The following PDE12 variants were observed in gnomAD, a reference collection of about 807,000 sequenced individuals.
PDE12 encodes the protein 2',5'-phosphodiesterase 12.
A neutral mutation model predicts 45.4 loss-of-function variants in PDE12; 26 were observed. That is an observed-to-expected ratio of 0.57 (90% CI 0.42 to 0.79). PDE12 has a LOEUF of 0.79. Ranked by LOEUF, PDE12 falls within the 30% of genes least tolerant of loss-of-function variation. The pLI is 0.00. For missense variants in PDE12, 668 were observed against 790.0 expected (o/e 0.85, Z 1.85); for synonymous variants, 283 against 323.9 (o/e 0.87, Z 1.36).
the PDE12 span, among the ~76,000 whole-genome samples, chr3:57,643,707 A>C: frequency 6.6e-6 from 1 of 151,694 alleles, no homozygotes; most frequent in African/African-American, 2.4e-5. Flanking sequence ...CATGCCTGTA[A>C]TCCCAGCTAC....
At chr3:57,569,354 T>A (rs1321464426), downstream of PDE12, among the ~76,000 whole-genome samples, 1 of 149,090 alleles carries the variant, frequency 6.7e-6, no homozygotes, top group African/African-American at 2.4e-5. Context: ...GCTAATACTT[T>A]ATTATTATTA....
At chr3:57,576,032 A>G in the PDE12 span, among the ~76,000 whole-genome samples, 1 of 152,220 alleles carries the variant, frequency 6.6e-6, no homozygotes, top group South Asian at 2.1e-4. Context: ...GGTACTTAGT[A>G]GCAGAAGTAC....
the PDE12 span, among the ~76,000 whole-genome samples, chr3:57,641,306 T>G: frequency 4.2e-5 from 6 of 144,090 alleles, no homozygotes; most frequent in Non-Finnish European, 7.6e-5. Flanking sequence ...TATTTAAATA[T>G]ATATTTATAT....
At chr3:57,580,899 C>CA in the PDE12 span, among the ~76,000 whole-genome samples, 2 of 152,058 alleles carry the variant, frequency 1.3e-5, no homozygotes, top group Admixed American at 6.6e-5. Flanking sequence ...AGGCATAAGC[C>CA]ACTGCACCCA....
chr3:57,605,330 A>G, the PDE12 span, among the ~76,000 whole-genome samples: 1 of 152,304 alleles, frequency 6.6e-6, no homozygotes, highest in South Asian at 2.1e-4. Context: ...TTATTAGCAC[A>G]TGAATCTGAG....
In PDE12 at chr3:57,560,879, G is replaced by A; in HGVS notation, c.*875G>A. On this transcript the variant is annotated 3_prime_UTR_variant, in exon 3 of 3. Coordinates refer to ENST00000311180, the MANE Select transcript of PDE12 (RefSeq NM_177966.7). Reference sequence around the variant, plus strand: ...CTACCTCTACCTCAATTTAGTTAGCGATTTACTACAATTTCAGAGCTTTAA... The same window carrying A: ...CTACCTCTACCTCAATTTAGTTAGCAATTTACTACAATTTCAGAGCTTTAA... 1 of 985,220 alleles carries A rather than the reference G, an allele frequency of 1.0e-6. No homozygotes were observed. 61.0% of individuals were successfully genotyped at this position (985,220 alleles called of 1,614,324 possible). A position where few individuals can be genotyped will look rare whatever the true frequency, so the allele number is the denominator to read the frequency against.
chr3:57,629,904 G>C, the PDE12 span, among the ~76,000 whole-genome samples: 2 of 152,112 alleles, frequency 1.3e-5, no homozygotes, highest in Non-Finnish European at 1.5e-5. Flanking sequence ...AGGCTTCTTG[G>C]ATTAGAATCC....
At chr3:57,652,335 T>G in the PDE12 span, among the ~76,000 whole-genome samples, 6 of 152,124 alleles carry the variant, frequency 3.9e-5, no homozygotes, top group South Asian at 2.1e-4. Flanking sequence ...GGCTGAGACC[T>G]CCTAACAACA....
chr3:57,619,873 TA>T, the PDE12 span, among the ~76,000 whole-genome samples: 5 of 148,982 alleles, frequency 3.4e-5, no homozygotes, highest in African/African-American at 1.2e-4. Flanking sequence ...ATAAATCAAA[TA>T]AAAAATAAAA....
At chr3:57,634,656 C>T in the PDE12 span, 1 of 1,491,426 alleles carries the variant, frequency 6.7e-7, no homozygotes, top group East Asian at 2.5e-5. Flanking sequence ...AACAAAAAAA[C>T]CCAAGTACCA....
At chr3:57,606,302 A>T in the PDE12 span, among the ~76,000 whole-genome samples, 1 of 152,192 alleles carries the variant, frequency 6.6e-6, no homozygotes, top group Non-Finnish European at 1.5e-5. Context: ...TTCTCACTGG[A>T]AACATTGCAG....
chr3:57,613,652 G>A, the PDE12 span, among the ~76,000 whole-genome samples: 78 of 151,606 alleles, frequency 5.1e-4, no homozygotes, highest in African/African-American at 1.8e-3. Flanking sequence ...TGTAATCCCA[G>A]CACTTTTGGA....
the PDE12 span, among the ~76,000 whole-genome samples, chr3:57,599,328 A>G: frequency 6.6e-6 from 1 of 152,234 alleles, no homozygotes; most frequent in African/African-American, 2.4e-5. Context: ...AATGGGAGGC[A>G]GGTTGGCCCT....
chr3:57,654,154 A>G, the PDE12 span, among the ~76,000 whole-genome samples: 1 of 149,546 alleles, frequency 6.7e-6, no homozygotes, highest in Non-Finnish European at 1.5e-5. Context: ...ACGGGGTTTC[A>G]CCGTGTTAGC....
chr3:57,634,838 A>G, the PDE12 span: 8 of 1,263,838 alleles, frequency 6.3e-6, no homozygotes, highest in Non-Finnish European at 8.6e-6. Context: ...GGAACTTTAT[A>G]AGATTTATAA....
At chr3:57,638,652 G>A in the PDE12 span, among the ~76,000 whole-genome samples, 6 of 151,654 alleles carry the variant, frequency 4.0e-5, no homozygotes, top group African/African-American at 7.3e-5. Context: ...GTGAGACTCC[G>A]TTTCAAAAAT....
chr3:57,557,229 C>T lies in PDE12; in HGVS notation c.850C>T (p.Leu284Phe), dbSNP rs1034649748. The T allele has an allele frequency of 1.3e-6, 2 of 1,593,524 alleles. No homozygotes were observed. Among genetic ancestry groups the T allele is most frequent in the Non-Finnish European group, 8.5e-7 (1 of 1,170,760 alleles). The change falls in exon 1 of 3, where the codon CTC becomes TTC. Residue 284 changes from leucine (L) to phenylalanine (F), a missense_variant. Around this residue, in one of 3 missense-constraint regions of PDE12, gnomAD observed 580 missense variants for 662.9 expected, o/e 0.87. Coordinates refer to ENST00000311180, the MANE Select transcript of PDE12 (RefSeq NM_177966.7). The part of the protein sequence containing the change: ...PGTCTFDHRH[L>F]YTKKVTEDAL... Reference sequence around the variant, plus strand: ...CACCTGCACTTTTGACCACCGGCATCTCTACACGAAGAAGGTGACTGAGGA... The same window carrying T: ...CACCTGCACTTTTGACCACCGGCATTTCTACACGAAGAAGGTGACTGAGGA...
the PDE12 span, among the ~76,000 whole-genome samples, chr3:57,614,547 T>TTG: frequency 1.2e-4 from 12 of 100,188 alleles, no homozygotes; most frequent in Admixed American, 4.7e-4. Context: ...GTTTTTTGTT[T>TTG]TTTTTTTTTT....
At chr3:57,628,213 A>G in the PDE12 span, 3 of 1,611,316 alleles carry the variant, frequency 1.9e-6, no homozygotes, top group Admixed American at 5.1e-5. Flanking sequence ...CTTGGCAAAT[A>G]TCATGTCATG....
Sources: allele counts gnomAD v4.1 joint callset (sites outside exome capture counted in the v4.1 genomes callset), GRCh38; gene constraint gnomAD v4.1.1; regional missense constraint gnomAD v4.1.1; transcripts MANE v1.5; gene names NCBI Gene and HGNC (gene_info 2026-07-23, HGNC 2026-07-21).